TRPM7: variants seen among roughly 807,000 people sequenced by gnomAD.
The protein encoded by TRPM7 is transient receptor potential cation channel subfamily M member 7.
In TRPM7, 134 loss-of-function variants were observed where a neutral mutation model predicts 229.7. The ratio of observed to expected loss-of-function variants is 0.58; its 90% CI spans 0.51 to 0.67. The LOEUF is 0.67. Ranked by LOEUF, TRPM7 falls within the 30% of genes least tolerant of loss-of-function variation. The probability of loss-of-function intolerance (pLI) is 0.00; values close to 1 mark genes in which losing one functional copy is unlikely to be tolerated. For missense variants in TRPM7, 1,901 were observed against 2,210.0 expected, an observed-to-expected ratio of 0.86 and a Z score of 2.80; for synonymous variants, 699 against 715.2, an observed-to-expected ratio of 0.98 and a Z score of 0.36.
At chr15:50,628,466 C>A (rs2060632304) in intron 10 of TRPM7, among the ~76,000 whole-genome samples, 1 of 152,088 alleles carries the variant, frequency 6.6e-6, no homozygotes, top group Non-Finnish European at 1.5e-5. Context: ...ACCACCACAC[C>A]CAGCTAATTT....
intron 19 of TRPM7, 88 bp from the exon 20 acceptor site, chr15:50,607,416 G>T: frequency 8.8e-7 from 1 of 1,136,618 alleles, no homozygotes; most frequent in South Asian, 1.8e-5. Flanking sequence ...CACAAAAACA[G>T]ACATTAAATG....
At position 50,596,372 on chromosome 15, in the gene TRPM7, T is replaced by C; in HGVS notation, c.3173A>G (p.Asn1058Ser). 6.3e-7 allele frequency: 1 copy of C among 1,585,620 alleles called. No individual in the cohort carries two copies. The highest frequency in any genetic ancestry group is 8.5e-7 in the Non-Finnish European group (1 of 1,172,450). ...ACAGATTTGAGGGATAACAGAATCA[T>C]TTGCACACACTTTAGAGAGAAAAAA... ...VYAYEIDVCA[N>S]DSVIPQICGP... The change falls in exon 23 of 39, where the codon AAT becomes AGT. Residue 1058 changes from asparagine to serine, a missense_variant. By Grantham distance (46) the Asn-to-Ser change is conservative (BLOSUM62 1). Around this residue, in one of 8 missense-constraint regions of TRPM7, gnomAD observed 89 missense variants for 178.2 expected, o/e 0.50. Coordinates refer to ENST00000646667, the MANE Select transcript of TRPM7 (RefSeq NM_017672.6).
chr15:50,683,631 C>A (rs1033017236), intron 1 of TRPM7, among the ~76,000 whole-genome samples: 2 of 151,972 alleles, frequency 1.3e-5, no homozygotes, highest in African/African-American at 4.8e-5. Flanking sequence ...CTTCGGGAGG[C>A]TGGGGCAGCA....
At chr15:50,603,514 C>T (rs2059835670) in intron 21 of TRPM7, among the ~76,000 whole-genome samples, 1 of 151,356 alleles carries the variant, frequency 6.6e-6, no homozygotes, top group South Asian at 2.1e-4. Flanking sequence ...ACCGTGTGTC[C>T]AAGTGTTCTC....
chr15:50,648,334 T>A (rs1489695257), intron 4 of TRPM7, among the ~76,000 whole-genome samples: 1 of 151,654 alleles, frequency 6.6e-6, no homozygotes, highest in Non-Finnish European at 1.5e-5. Flanking sequence ...ACTAATAACA[T>A]AATGGTAAAT....
At chr15:50,628,304 G>A (rs965139809) in intron 10 of TRPM7, 55 bp from the exon 11 acceptor site, 8 of 1,322,104 alleles carry the variant, frequency 6.1e-6, no homozygotes, top group Admixed American at 3.7e-5. Flanking sequence ...TCCATTAAAA[G>A]GTGAACACTT....
chr15:50,642,904 C>G (rs1462904421), intron 5 of TRPM7, among the ~76,000 whole-genome samples: 1 of 151,914 alleles, frequency 6.6e-6, no homozygotes, highest in African/African-American at 2.4e-5. Flanking sequence ...GTTCGATTAT[C>G]ATTTTTACCT....
At chr15:50,658,256 C>T (rs1204084115) in intron 2 of TRPM7, among the ~76,000 whole-genome samples, 3 of 152,008 alleles carry the variant, frequency 2.0e-5, no homozygotes, top group Admixed American at 6.6e-5. Flanking sequence ...CCACCTGCCT[C>T]GGCCTCCCAA....
At chr15:50,614,073 T>C (rs200441242) in intron 14 of TRPM7, 50 bp downstream of exon 14, 3 of 1,490,176 alleles carry the variant, frequency 2.0e-6, no homozygotes, top group African/African-American at 1.4e-5. Context: ...TTAAAGTGCA[T>C]GTGTTAATAT....
intron 26 of TRPM7, among the ~76,000 whole-genome samples, chr15:50,591,349 C>T (rs2059487359): frequency 6.6e-6 from 1 of 152,156 alleles, no homozygotes; most frequent in Non-Finnish European, 1.5e-5. Flanking sequence ...TTAAGAATCA[C>T]TTAGGTTTTC....
chr15:50,627,916 C>G (rs554786789), intron 11 of TRPM7, among the ~76,000 whole-genome samples: 6 of 152,156 alleles, frequency 3.9e-5, no homozygotes, highest in Non-Finnish European at 8.8e-5. Context: ...TTTAAAGCTT[C>G]TTTCAGTTCT....
intron 19 of TRPM7, among the ~76,000 whole-genome samples, chr15:50,608,067 A>AAAAG (rs1301305562): frequency 5.8e-4 from 88 of 150,550 alleles, no homozygotes; most frequent in African/African-American, 1.8e-3. Context: ...AAAAAAAAAA[A>AAAAG]AAAGAAAGAA....
intron 8 of TRPM7, 89 bp downstream of exon 8, chr15:50,634,292 TC>T: frequency 9.4e-7 from 1 of 1,058,814 alleles, no homozygotes; most frequent in Non-Finnish European, 1.3e-6. Flanking sequence ...CTGCACGCTA[TC>T]CAGGCTGGGA....
intron 2 of TRPM7, among the ~76,000 whole-genome samples, chr15:50,659,596 T>G (rs192715354): frequency 4.6e-5 from 7 of 152,240 alleles, no homozygotes; most frequent in African/African-American, 1.4e-4. Context: ...ATACCTTGAG[T>G]GCTTTTATTA....
rs555575615 is a variant in TRPM7 at position 50,673,501 on chromosome 15, A to G, written c.4-10455T>C. On this transcript the variant is annotated intron_variant, in intron 1 of 38. Coordinates refer to ENST00000646667, the MANE Select transcript of TRPM7 (RefSeq NM_017672.6). Reference sequence around the variant, plus strand: ...CGTCCTCATAGCTCAGCTCCCACTTATGAGTGGGAACATATGATGTTTGGT... The same window carrying G: ...CGTCCTCATAGCTCAGCTCCCACTTGTGAGTGGGAACATATGATGTTTGGT... Among the ~76,000 whole-genome samples, 5 of 152,106 alleles carry G rather than the reference A, an allele frequency of 3.3e-5. No homozygotes were observed. In the South Asian group the frequency reaches 1.0e-3, roughly 32 times the overall value.
intron 1 of TRPM7, among the ~76,000 whole-genome samples, chr15:50,683,245 A>C (rs2062281457): frequency 2.7e-5 from 4 of 148,624 alleles, no homozygotes; most frequent in East Asian, 2.0e-4. Context: ...AAAAAAAAAA[A>C]CTGCAATTTA....
intron 5 of TRPM7, among the ~76,000 whole-genome samples, chr15:50,642,291 A>G (rs1217614329): frequency 6.6e-6 from 1 of 152,198 alleles, no homozygotes; most frequent in Non-Finnish European, 1.5e-5. Context: ...CTAAAAGGCT[A>G]AACAGTATAA....
At position 50,607,274 on chromosome 15, in the gene TRPM7, C is replaced by A; in HGVS notation, c.2635G>T (p.Glu879Ter). Residue 879 changes from glutamate to a stop codon, truncating the protein, a stop_gained, in exon 20 of 39, where the codon GAA becomes TAA. Transcript: ENST00000646667. LOFTEE classifies it high-confidence loss of function. ...CATTCTTGAACTGAAGGTAACTGTT[C>A]CATTTGTACAAGAACCACAAATGTA... Reference protein sequence around the residue: ...LYTFVVLVQMEQLPSVQEWIV... With the variant: ...LYTFVVLVQM 6.2e-7 allele frequency: 1 copy of A among 1,606,858 alleles called. No individual in the cohort carries two copies. The highest frequency in any genetic ancestry group is 8.5e-7 in the Non-Finnish European group (1 of 1,176,224).
intron 38 of TRPM7, among the ~76,000 whole-genome samples, chr15:50,568,811 CA>C (rs1255408922): frequency 6.9e-6 from 1 of 145,972 alleles, no homozygotes; most frequent in Admixed American, 6.9e-5. Context: ...CCCATCTCTA[CA>C]AAAAAAAAAC....
Sources: allele counts gnomAD v4.1 joint callset (sites outside exome capture counted in the v4.1 genomes callset), GRCh38; gene constraint gnomAD v4.1.1; regional missense constraint gnomAD v4.1.1; transcripts MANE v1.5; gene names NCBI Gene and HGNC (gene_info 2026-07-23, HGNC 2026-07-21).